HECW2: variants seen among roughly 807,000 people sequenced by gnomAD.
HECW2 encodes the protein E3 ubiquitin-protein ligase HECW2.
In HECW2, 61 loss-of-function variants were observed where a neutral mutation model predicts 175.2. The ratio of observed to expected loss-of-function variants is 0.35; its 90% confidence interval spans 0.28 to 0.43. HECW2 has a LOEUF of 0.43. Among genes scored for constraint, HECW2 ranks in the 20% least tolerant of loss-of-function variants. The pLI, the probability that HECW2 is intolerant of heterozygous loss-of-function variation, is 1.00. For synonymous variants in HECW2, 671 were observed against 731.0 expected (o/e 0.92, Z 1.32); for missense variants, 1,524 against 2,000.5 (o/e 0.76, Z 4.54).
At chr2:196,377,279 C>T (rs1165360736) in intron 2 of HECW2, among the ~76,000 whole-genome samples, 1 of 152,160 alleles carries the variant, frequency 6.6e-6, no homozygotes, top group East Asian at 1.9e-4. Flanking sequence ...TTAAAGTTAT[C>T]TACTTGCAAC....
chr2:196,228,307 G>T, intron 21 of HECW2, 53 bp from the exon 22 acceptor site: 1 of 1,538,198 alleles, frequency 6.5e-7, no homozygotes, highest in South Asian at 1.2e-5. Flanking sequence ...TCTAGATATT[G>T]GGCAGTTTTT....
At chr2:196,550,199 T>A (rs1010523414) in intron 1 of HECW2, among the ~76,000 whole-genome samples, 1 of 152,224 alleles carries the variant, frequency 6.6e-6, no homozygotes, top group Non-Finnish European at 1.5e-5. Flanking sequence ...AAAGGTAGAC[T>A]GACTGACTCT....
chr2:196,534,490 C>T (rs182003384), intron 1 of HECW2, among the ~76,000 whole-genome samples: 1 of 152,164 alleles, frequency 6.6e-6, no homozygotes, highest in Admixed American at 6.5e-5. Context: ...GCCTAAGGAG[C>T]ATGGAAGAAT....
intron 1 of HECW2, among the ~76,000 whole-genome samples, chr2:196,435,797 T>C (rs974872002): frequency 6.6e-6 from 1 of 152,200 alleles, no homozygotes; most frequent in Non-Finnish European, 1.5e-5. Context: ...GAACATAACA[T>C]CTGCCTCATA....
At position 196,319,880 on chromosome 2, in the gene HECW2, G is replaced by A; in HGVS notation, c.1010C>T (p.Thr337Ile). ...ATTCACAGAATTGACTCCAAGTATT[G>A]TGCCAACAGCTTCTGGAGAGGCATC... ...HEDASPEAVG[T>I]ILGVNSVNGD... Residue 337 changes from threonine to isoleucine, a missense_variant, in exon 9 of 29, where the codon ACA becomes ATA. Transcript: ENST00000644978. The A allele has an allele frequency of 7.5e-6, 12 of 1,606,168 alleles. No homozygotes were observed. The highest frequency in any genetic ancestry group is 1.7e-5 in the Admixed American group (1 of 59,680).
rs149750459 is a variant in HECW2, at chr2:196,399,752, G to A, written c.292+33380C>T. ...GTCTCCTAAGTAGGACTGACAGATAGAACCGTAGGCCTAACTAGTTTTCAA... is the reference window on the plus strand; with the variant it reads ...GTCTCCTAAGTAGGACTGACAGATAAAACCGTAGGCCTAACTAGTTTTCAA... On this transcript the variant is annotated intron_variant, in intron 2 of 28. Transcript: ENST00000644978. 5.4e-3 allele frequency among the ~76,000 whole-genome samples: 821 copies of A among 152,286 alleles called. 8 individuals are homozygous for A. Among genetic ancestry groups the A allele is most frequent in the Middle Eastern group, 0.027 (8 of 294 alleles).
chr2:196,301,247 T>C (rs1439073116), intron 13 of HECW2, among the ~76,000 whole-genome samples: 1 of 152,232 alleles, frequency 6.6e-6, no homozygotes, highest in Non-Finnish European at 1.5e-5. Flanking sequence ...ATGGTATATA[T>C]GTACCACATT....
At chr2:196,583,049 C>T (rs2125530637) in intron 1 of HECW2, among the ~76,000 whole-genome samples, 1 of 152,248 alleles carries the variant, frequency 6.6e-6, no homozygotes, top group African/African-American at 2.4e-5. Context: ...GAGACAAGTC[C>T]ATGTTCAGGG....
chr2:196,534,524 C>T lies in HECW2; in HGVS notation c.-36+58984G>A, dbSNP rs111781660. ...ATCTTTTCAGCCTCAGAAATGAGAA[C>T]GGGGTTGAAATGATAGCTGAATCTT... On this transcript the variant is annotated intron_variant, in intron 1 of 28. Coordinates refer to ENST00000644978, the MANE Select transcript of HECW2 (RefSeq NM_001348768.2). 3.0e-3 allele frequency among the ~76,000 whole-genome samples: 457 copies of T among 152,240 alleles called. 1 individual carries two copies. Among genetic ancestry groups the T allele is most frequent in the African/African-American group, 0.01 (425 of 41,556 alleles).
chr2:196,204,496 T>C (rs887651835), intron 28 of HECW2, among the ~76,000 whole-genome samples: 1 of 152,194 alleles, frequency 6.6e-6, no homozygotes, highest in Non-Finnish European at 1.5e-5. Context: ...CTGCAAGGAA[T>C]GAATGCTGCC....
intron 14 of HECW2, chr2:196,289,779 C>T (rs1690536408): frequency 6.6e-6 from 1 of 152,046 alleles, no homozygotes; most frequent in Non-Finnish European, 1.5e-5. Flanking sequence ...TATTAGCTGC[C>T]TATTCATAAG....
chr2:196,319,687 A>G lies in HECW2; in HGVS notation c.1203T>C (p.Ser401=), dbSNP rs778403302. The G allele has an allele frequency of 1.9e-6, 3 of 1,614,224 alleles. No homozygotes were observed. The highest frequency in any genetic ancestry group is 1.1e-5 in the South Asian group (1 of 91,084). Residue 401 remains serine, a synonymous_variant, in exon 9 of 29, where the codon TCT becomes TCC. Transcript: ENST00000644978. ...TGGGAGGTGAGGTCCTTGAAGACGT[A>G]GAGGTTAATTCCTCTGTGTCTATTT... ...TLEIDTEELT[S]TSSRTSPPRG...
At chr2:196,375,422 A>G (rs1198901572) in intron 2 of HECW2, among the ~76,000 whole-genome samples, 2 of 152,250 alleles carry the variant, frequency 1.3e-5, no homozygotes, top group Admixed American at 1.3e-4. Context: ...GTGAGCATTC[A>G]TGATCACAGA....
At chr2:196,448,123 T>C (rs1032818469) in intron 1 of HECW2, among the ~76,000 whole-genome samples, 4 of 152,224 alleles carry the variant, frequency 2.6e-5, no homozygotes, top group African/African-American at 9.6e-5. Context: ...CAGGCCATAT[T>C]TGTGATTATA....
rs140323168 is a variant in HECW2 at position 196,234,802 on chromosome 2, C to T, written c.3764+5647G>A. ...GCCCAGCAGAAATAGGCAACCCCTG[C>T]GTGCAATTTCACGCCACATTCAGTC... On this transcript the variant is annotated intron_variant, in intron 21 of 28. Transcript: ENST00000644978. 5.1e-3 allele frequency among the ~76,000 whole-genome samples: 780 copies of T among 152,272 alleles called. 8 individuals are homozygous for T. Among genetic ancestry groups the T allele is most frequent in the African/African-American group, 0.018 (755 of 41,560 alleles).
chr2:196,468,438 G>C (rs1697051557), intron 1 of HECW2, among the ~76,000 whole-genome samples: 1 of 152,134 alleles, frequency 6.6e-6, no homozygotes, highest in Non-Finnish European at 1.5e-5. Context: ...TTAAAGATTA[G>C]AGGAGGAGTG....
chr2:196,356,485 T>C (rs1481437041), intron 2 of HECW2, among the ~76,000 whole-genome samples: 3 of 152,192 alleles, frequency 2.0e-5, no homozygotes, highest in Admixed American at 6.5e-5. Context: ...GTCCCTTCCA[T>C]CCCGCCCGGA....
intron 14 of HECW2, among the ~76,000 whole-genome samples, chr2:196,281,368 T>C (rs903499464): frequency 6.6e-6 from 1 of 152,162 alleles, no homozygotes; most frequent in African/African-American, 2.4e-5. Context: ...CCAGGCGCGA[T>C]GGCTCACACC....
chr2:196,509,237 T>C (rs1466304024), intron 1 of HECW2, among the ~76,000 whole-genome samples: 3 of 152,128 alleles, frequency 2.0e-5, no homozygotes, highest in African/African-American at 7.2e-5. Flanking sequence ...TGCTGACACT[T>C]CTGTACCTGT....
Sources: gnomAD v4.1 joint callset for allele counts (sites outside exome capture counted in the v4.1 genomes callset) on GRCh38, gnomAD v4.1.1 for gene constraint, MANE v1.5 for transcripts, NCBI Gene and HGNC (gene_info 2026-07-23, HGNC 2026-07-21) for gene names.